Variants in RNF7 observed in about 807,000 individuals in gnomAD.
The protein encoded by RNF7 is ring finger protein 7.
Under a neutral mutation model 17.0 loss-of-function variants are expected in RNF7, and 9 were observed. The ratio of observed to expected loss-of-function variants is 0.53; its 90% CI spans 0.32 to 0.92. The LOEUF (loss-of-function observed/expected upper bound fraction) is 0.92. Ranked by LOEUF, RNF7 falls within the 40% of genes least tolerant of loss-of-function variation. The probability of loss-of-function intolerance (pLI) is 0.04; values close to 1 mark genes in which losing one functional copy is unlikely to be tolerated. For missense variants in RNF7, 87 were observed against 145.8 expected (o/e 0.60, Z 2.08); for synonymous variants, 59 against 50.5 (o/e 1.17, Z -0.72).
At position 141,745,418 on chromosome 3, in the gene RNF7, C is replaced by G; in HGVS notation, c.*141C>G. On this transcript the variant is annotated 3_prime_UTR_variant, in exon 3 of 3. Transcript: ENST00000273480. Reference sequence around the variant, plus strand: ...GGATCTGTGGTCCTTTGGGACTCATCAAAGCCTTGGTTTAGCATTTTGTCA... The same window carrying G: ...GGATCTGTGGTCCTTTGGGACTCATGAAAGCCTTGGTTTAGCATTTTGTCA... 1 of 508,048 alleles carries G rather than the reference C, an allele frequency of 2.0e-6. No individual in the cohort carries two copies. The highest frequency in any genetic ancestry group is 3.6e-6 in the Non-Finnish European group (1 of 278,550). The allele number at this position is 508,048 out of a possible 1,614,324, so 31.5% of individuals were successfully genotyped here.
chr3:141,745,139 C>G lies in RNF7; in HGVS notation c.224-20C>G. The G allele has an allele frequency of 1.3e-6, 2 of 1,511,812 alleles. No individual in the cohort carries two copies. Among genetic ancestry groups the G allele is most frequent in the Non-Finnish European group, 1.8e-6 (2 of 1,093,502 alleles). The allele number at this position is 1,511,812 out of a possible 1,614,324, so 93.6% of individuals were successfully genotyped here. ...TAAATTGAAATATGTAATGTCAACT[C>G]TTCTTTTTCTTTCTTTCAGTGGTCT... is the stretch of plus-strand genomic sequence containing the variant. On this transcript the variant is annotated intron_variant, in intron 2 of 2. Coordinates refer to ENST00000273480, the MANE Select transcript of RNF7 (RefSeq NM_014245.5).
intron 2 of RNF7, among the ~76,000 whole-genome samples, chr3:141,744,234 A>T (rs541053210): frequency 1.4e-4 from 21 of 152,314 alleles, no homozygotes; most frequent in Middle Eastern, 3.4e-3. Context: ...CTTAATATTG[A>T]TTCTTGCAGT....
At chr3:141,742,760 G>C in intron 1 of RNF7, 1 of 1,284,068 alleles carries the variant, frequency 7.8e-7, no homozygotes, top group Non-Finnish European at 1.0e-6. Context: ...TGTCTCACTG[G>C]CTTCTCACCA....
intron 1 of RNF7, among the ~76,000 whole-genome samples, chr3:141,740,746 TTTATC>T (rs1397900951): frequency 6.6e-6 from 1 of 152,218 alleles, no homozygotes; most frequent in African/African-American, 2.4e-5. Flanking sequence ...TTTTTTATCT[TTTATC>T]TGAAACTTTA....
At chr3:141,742,739 G>A (rs144978686) in intron 1 of RNF7, 5 of 1,281,694 alleles carry the variant, frequency 3.9e-6, no homozygotes, top group East Asian at 5.6e-5. Context: ...CACAGCCCTC[G>A]CTGTCCCCTC....
rs1189431021 is a variant in RNF7 at position 141,746,166 on chromosome 3, G to A, written c.*889G>A. 6.6e-6 allele frequency: 1 copy of A among 151,848 alleles called. No individual in the cohort carries two copies. The highest frequency in any genetic ancestry group is 2.4e-5 in the African/African-American group (1 of 41,294). 9.4% of individuals were successfully genotyped at this position (151,848 alleles called of 1,614,324 possible). A position where few individuals can be genotyped will look rare whatever the true frequency, so the allele number is the denominator to read the frequency against. On this transcript the variant is annotated 3_prime_UTR_variant, in exon 3 of 3. Coordinates refer to ENST00000273480, the MANE Select transcript of RNF7 (RefSeq NM_014245.5). ...TAATTTTTGTATTTTTAGTAGAGAC[G>A]GGATTTCCCCATGTTGGCCAGGCTG...
intron 1 of RNF7, 141 bp downstream of exon 1, chr3:141,738,657 C>T: frequency 1.1e-6 from 1 of 870,434 alleles, no homozygotes; most frequent in South Asian, 2.3e-5. Context: ...GCCCCGGCGC[C>T]GGAGGAACGC....
In RNF7 at chr3:141,738,350, C is replaced by T. The variant is rs1229591260; in HGVS notation, c.9C>T (p.Asp3=). 6.4e-7 allele frequency: 1 copy of T among 1,572,530 alleles called. No individual in the cohort carries two copies. The highest frequency in any genetic ancestry group is 8.6e-7 in the Non-Finnish European group (1 of 1,159,436). Residue 3 remains aspartate (D), a synonymous_variant, in exon 1 of 3, where the codon GAC becomes GAT. Transcript: ENST00000273480. ...GGCTCCGCGGCGCCGCCATGGCCGA[C>T]GTGGAAGACGGAGAGGAAACCTGCG... MA[D]VEDGEETCAL... is the part of the protein sequence containing the mutation.
chr3:141,742,871 G>A (rs1316824957), intron 1 of RNF7: 21 of 1,100,774 alleles, frequency 1.9e-5, no homozygotes, highest in Non-Finnish European at 2.3e-5. Context: ...GTAAAAAGTT[G>A]CTTCTTATGA....
At chr3:141,741,616 C>G (rs1200973307) in intron 1 of RNF7, among the ~76,000 whole-genome samples, 5 of 152,200 alleles carry the variant, frequency 3.3e-5, no homozygotes, top group Non-Finnish European at 7.4e-5. Flanking sequence ...TCTGACTCCT[C>G]TTCCAGCTAG....
chr3:141,740,504 A>T (rs1378812525), intron 1 of RNF7, among the ~76,000 whole-genome samples: 1 of 152,206 alleles, frequency 6.6e-6, no homozygotes, highest in Non-Finnish European at 1.5e-5. Flanking sequence ...CTGCTACTAC[A>T]GGATCAGTCT....
At chr3:141,742,585 A>G (rs866184691) in intron 1 of RNF7, 11 of 1,154,316 alleles carry the variant, frequency 9.5e-6, no homozygotes, top group Middle Eastern at 2.8e-4. Context: ...AATTCTCACC[A>G]GTTTGTATCA....
At chr3:141,745,109 G>A (rs1318070924) in intron 2 of RNF7, 50 bp from the exon 3 acceptor site, 1 of 1,170,964 alleles carries the variant, frequency 8.5e-7, no homozygotes, top group Non-Finnish European at 1.2e-6. Flanking sequence ...TTTGAGTTCA[G>A]TGTTTAAATT....
rs552973080 is a variant in RNF7 at position 141,745,468 on chromosome 3, G to A, written c.*191G>A. On this transcript the variant is annotated 3_prime_UTR_variant, in exon 3 of 3. Transcript: ENST00000273480. Reference sequence around the variant, plus strand: ...AGTTTTATCTTCAGAAATTCTCTGCGATTAAGAAGATAATTTATTAAAGGT... The same window carrying A: ...AGTTTTATCTTCAGAAATTCTCTGCAATTAAGAAGATAATTTATTAAAGGT... 3.3e-5 allele frequency: 13 copies of A among 399,492 alleles called. No homozygotes were observed. Among genetic ancestry groups the A allele is most frequent in the Non-Finnish European group, 5.1e-5 (11 of 214,150 alleles). The allele number at this position is 399,492 out of a possible 1,614,324, so 24.7% of individuals were successfully genotyped here. A position where few individuals can be genotyped will look rare whatever the true frequency, so the allele number is the denominator to read the frequency against.
At chr3:141,743,418 TA>T in intron 1 of RNF7, 90 bp from the exon 2 acceptor site, 1 of 941,516 alleles carries the variant, frequency 1.1e-6, no homozygotes, top group African/African-American at 1.7e-5. Context: ...TTGCCATCCC[TA>T]ACCCTTAGGG....
intron 1 of RNF7, among the ~76,000 whole-genome samples, chr3:141,740,058 T>C (rs1023114488): frequency 1.3e-5 from 2 of 151,964 alleles, no homozygotes; most frequent in Non-Finnish European, 2.9e-5. Flanking sequence ...ACAAAACATA[T>C]GAGGCTTTAA....
chr3:141,744,040 A>G (rs1252486608), intron 2 of RNF7, among the ~76,000 whole-genome samples: 1 of 152,214 alleles, frequency 6.6e-6, no homozygotes, highest in Non-Finnish European at 1.5e-5. Context: ...CTTAGACTAC[A>G]AAAGTTGTCG....
intron 1 of RNF7, 25 bp downstream of exon 1, chr3:141,738,541 G>A: frequency 6.3e-7 from 1 of 1,580,836 alleles, no homozygotes; most frequent in Non-Finnish European, 8.6e-7. Context: ...CGAGTCCAGG[G>A]CCGCCCTGCG....
At chr3:141,741,094 T>C (rs935612389) in intron 1 of RNF7, among the ~76,000 whole-genome samples, 3 of 152,236 alleles carry the variant, frequency 2.0e-5, no homozygotes, top group African/African-American at 7.2e-5. Flanking sequence ...CATGACTGTA[T>C]CACCTTGGAT....
Sources: allele counts gnomAD v4.1 joint callset (sites outside exome capture counted in the v4.1 genomes callset), GRCh38; gene constraint gnomAD v4.1.1; transcripts MANE v1.5; gene names NCBI Gene and HGNC (gene_info 2026-07-23, HGNC 2026-07-21).